Variants in PDGFD observed in about 807,000 individuals in gnomAD.
PDGFD encodes the protein platelet derived growth factor D, also known as platelet-derived growth factor D.
A neutral mutation model predicts 44.7 loss-of-function variants in PDGFD; 30 were observed. That is an observed-to-expected ratio of 0.67 (90% CI 0.50 to 0.91). The LOEUF is 0.91. PDGFD is among the 40% of genes least tolerant of loss of function. The probability of loss-of-function intolerance (pLI) is 0.00; values close to 1 mark genes in which losing one functional copy is unlikely to be tolerated. For synonymous variants in PDGFD, 173 were observed against 168.4 expected (o/e 1.03, Z -0.21); for missense variants, 445 against 457.8 (o/e 0.97, Z 0.25).
intron 1 of PDGFD, among the ~76,000 whole-genome samples, chr11:104,147,774 T>C (rs1209924919): frequency 1.3e-5 from 2 of 152,068 alleles, no homozygotes; most frequent in Non-Finnish European, 2.9e-5. Context: ...TTAGACAAAA[T>C]ACAGACCTGA....
intron 1 of PDGFD, among the ~76,000 whole-genome samples, chr11:104,158,060 C>T (rs1035756008): frequency 1.3e-5 from 2 of 152,212 alleles, no homozygotes; most frequent in Non-Finnish European, 2.9e-5. Context: ...GACACCACTT[C>T]CTCTAGGAAG....
At chr11:104,097,991 A>C (rs760198296) in intron 1 of PDGFD, among the ~76,000 whole-genome samples, 1 of 152,178 alleles carries the variant, frequency 6.6e-6, no homozygotes, top group Admixed American at 6.6e-5. Flanking sequence ...AAAAGCCCTG[A>C]ATACTTTGAA....
chr11:103,978,778 C>T (rs1044960816), intron 3 of PDGFD, among the ~76,000 whole-genome samples: 37 of 151,978 alleles, frequency 2.4e-4, no homozygotes, highest in African/African-American at 8.7e-4. Context: ...TACTAAGTGA[C>T]GTCATTGTCT....
chr11:104,061,948 A>AAACTAACTCGCT (rs111606983), intron 1 of PDGFD, among the ~76,000 whole-genome samples: 2 of 151,962 alleles, frequency 1.3e-5, no homozygotes, highest in Middle Eastern at 6.8e-3. Flanking sequence ...TACAACTCGA[A>AAACTAACTCGCT]GAAGTTCAAG....
At chr11:104,115,581 G>A (rs57676131) in intron 1 of PDGFD, among the ~76,000 whole-genome samples, 28,456 of 151,788 alleles carry the variant, frequency 0.19, 2,781 homozygotes, top group Middle Eastern at 0.29. Flanking sequence ...TCAAATGGTA[G>A]TTCTACTTTT....
intron 3 of PDGFD, among the ~76,000 whole-genome samples, chr11:103,982,183 T>A (rs1859281151): frequency 6.6e-6 from 1 of 151,638 alleles, no homozygotes; most frequent in South Asian, 2.1e-4. Flanking sequence ...AACATCGGAG[T>A]AGGAGACAGC....
At chr11:103,983,123 C>CA (rs1859298816) in intron 3 of PDGFD, among the ~76,000 whole-genome samples, 1 of 151,776 alleles carries the variant, frequency 6.6e-6, no homozygotes, top group Non-Finnish European at 1.5e-5. Context: ...CAATCCTAAG[C>CA]AAAAATGACA....
intron 1 of PDGFD, among the ~76,000 whole-genome samples, chr11:104,036,402 C>A (rs1329674529): frequency 6.6e-6 from 1 of 152,042 alleles, no homozygotes; most frequent in Non-Finnish European, 1.5e-5. Flanking sequence ...TGTGATTATG[C>A]CACTGTACTC....
intron 1 of PDGFD, among the ~76,000 whole-genome samples, chr11:104,059,004 C>A (rs12796795): frequency 0.54 from 81,971 of 151,918 alleles, 23,597 homozygotes; most frequent in Non-Finnish European, 0.65. Flanking sequence ...TACAGGGAAG[C>A]ACCATGGGAC....
At chr11:104,062,549 G>C (rs1860731710) in intron 1 of PDGFD, among the ~76,000 whole-genome samples, 1 of 152,124 alleles carries the variant, frequency 6.6e-6, no homozygotes, top group Non-Finnish European at 1.5e-5. Flanking sequence ...CAATACCTCA[G>C]AATACGTTAG....
Position 103,999,664 on chromosome 11 carries a change from C to A in PDGFD, c.329+387G>T, listed in dbSNP as rs144365910. Reference sequence around the variant, plus strand: ...AAGGCCTGGGTCAGCGGGAGCCGGGCAGGGGTTTATGCTCCCTAAGCCCAT... The same window carrying A: ...AAGGCCTGGGTCAGCGGGAGCCGGGAAGGGGTTTATGCTCCCTAAGCCCAT... On this transcript the variant is annotated intron_variant, in intron 2 of 6. Coordinates refer to ENST00000393158, the MANE Select transcript of PDGFD (RefSeq NM_025208.5). Among the ~76,000 whole-genome samples, 186 of 152,292 alleles carry A rather than the reference C, an allele frequency of 1.2e-3. 3 individuals carry two copies. The highest frequency in any genetic ancestry group is 4.3e-3 in the South Asian group (21 of 4,828).
chr11:104,120,024 T>C (rs944144215), intron 1 of PDGFD, among the ~76,000 whole-genome samples: 5 of 146,078 alleles, frequency 3.4e-5, no homozygotes, highest in Admixed American at 2.8e-4. Flanking sequence ...CTATTATATA[T>C]AAAAATTCCT....
At chr11:103,916,506 C>T (rs1403753447) in intron 6 of PDGFD, among the ~76,000 whole-genome samples, 1 of 152,154 alleles carries the variant, frequency 6.6e-6, no homozygotes, top group Non-Finnish European at 1.5e-5. Flanking sequence ...TAAATTAGTT[C>T]AACCATTGTG....
intron 1 of PDGFD, among the ~76,000 whole-genome samples, chr11:104,068,355 T>C (rs890178298): frequency 6.6e-6 from 1 of 152,180 alleles, no homozygotes; most frequent in African/African-American, 2.4e-5. Context: ...AGGGAATGTA[T>C]TTCCATTCAA....
At chr11:104,015,458 T>C (rs891731424) in intron 1 of PDGFD, among the ~76,000 whole-genome samples, 8 of 152,228 alleles carry the variant, frequency 5.3e-5, no homozygotes, top group Non-Finnish European at 1.2e-4. Flanking sequence ...AGGTCATCTT[T>C]CTTGGTATTT....
intron 1 of PDGFD, among the ~76,000 whole-genome samples, chr11:104,140,780 A>G (rs10895585): frequency 0.14 from 20,884 of 152,124 alleles, 1,600 homozygotes; most frequent in East Asian, 0.29. Flanking sequence ...TAATGTCCTA[A>G]CCTTTTCCTA....
At chr11:103,929,351 C>T (rs77309134) in intron 5 of PDGFD, among the ~76,000 whole-genome samples, 6,578 of 152,180 alleles carry the variant, frequency 0.043, 202 homozygotes, top group Middle Eastern at 0.061. Context: ...GATGTTGAAC[C>T]AGGGTTGGGT....
intron 6 of PDGFD, among the ~76,000 whole-genome samples, chr11:103,922,482 C>T (rs760593206): frequency 4.6e-4 from 70 of 152,082 alleles, no homozygotes; most frequent in Non-Finnish European, 7.5e-4. Context: ...TCTGACCTTC[C>T]CATGTAGCAA....
chr11:104,130,648 G>A lies in PDGFD; in HGVS notation c.124+33156C>T, dbSNP rs138614415. On this transcript the variant is annotated intron_variant, in intron 1 of 6. Coordinates refer to ENST00000393158, the MANE Select transcript of PDGFD (RefSeq NM_025208.5). ...TAAACCATGTGTGTTCACCTTCAAG[G>A]ACTTTGACTTTGCTCTTCTTCTTGA... Among the ~76,000 whole-genome samples the A allele has an allele frequency of 7.3e-3, 1,112 of 152,162 alleles. 7 individuals are homozygous for A. Among genetic ancestry groups the A allele is most frequent in the African/African-American group, 0.024 (997 of 41,516 alleles).
Sources: allele counts gnomAD v4.1 joint callset (sites outside exome capture counted in the v4.1 genomes callset), GRCh38; gene constraint gnomAD v4.1.1; transcripts MANE v1.5; gene names NCBI Gene and HGNC (gene_info 2026-07-23, HGNC 2026-07-21).